The following ATP5MC2 variants were observed in gnomAD, a reference collection of about 807,000 sequenced individuals.
ATP5MC2 encodes ATP synthase membrane subunit c locus 2.
Under a neutral mutation model 13.5 loss-of-function variants are expected in ATP5MC2, and 11 were observed. The observed-to-expected ratio is 0.81, with a 90% CI of 0.51 to 1.35. The LOEUF is 1.35. ATP5MC2 is among the 40% of genes most tolerant of loss of function. The pLI is 0.00. For synonymous variants in ATP5MC2, 64 were observed against 69.7 expected, an observed-to-expected ratio of 0.92 and a Z score of 0.41; for missense variants, 132 against 175.0, an observed-to-expected ratio of 0.75 and a Z score of 1.39.
upstream of ATP5MC2, chr12:53,676,323 T>TGGACTGCGGTTTGGTCTGTACCGC (rs778685123): frequency 1.7e-3 from 2,418 of 1,392,896 alleles, 14 homozygotes; most frequent in East Asian, 0.017. Flanking sequence ...ATCCGTAACG[T>TGGACTGCGGTTTGGTCTGTACCGC]GGACTGCGGT....
At chr12:53,673,434 T>G (rs1254898812) in intron 1 of ATP5MC2, 1 of 152,416 alleles carries the variant, frequency 6.6e-6, no homozygotes, top group African/African-American at 2.4e-5. Context: ...ATCTCTTTGC[T>G]GATCCCTGGA....
Position 53,669,327 on chromosome 12 carries a change from C to T in ATP5MC2, c.132G>A (p.Leu44=). 3.1e-6 allele frequency: 5 copies of T among 1,613,402 alleles called. No individual in the cohort carries two copies. The highest frequency in any genetic ancestry group is 4.2e-6 in the Non-Finnish European group (5 of 1,179,676). Residue 44 remains leucine (L), a synonymous_variant, in exon 4 of 5, where the codon TTG becomes TTA. Coordinates refer to ENST00000394349, the MANE Select transcript of ATP5MC2 (RefSeq NM_005176.7). ...GTGAGGTAAGGGGACATGAGACTGC[C>T]AAGCTGCTGAGGCTCTGTGAAAAAG... is the stretch of plus-strand genomic sequence containing the variant. The part of the protein sequence containing the change: ...EILTDESLSS[L]AVSCPLTSLV...
At chr12:53,671,888 G>A (rs928853603) in intron 2 of ATP5MC2, among the ~76,000 whole-genome samples, 6 of 151,962 alleles carry the variant, frequency 3.9e-5, no homozygotes, top group African/African-American at 1.5e-4. Flanking sequence ...GAGGTCAGGA[G>A]TTTGAGACCA....
intron 2 of ATP5MC2, 89 bp downstream of exon 2, chr12:53,672,487 C>A (rs10876480): frequency 5.1e-6 from 7 of 1,385,170 alleles, no homozygotes; most frequent in Non-Finnish European, 7.0e-6. Flanking sequence ...CTCCTCTCCC[C>A]CAGCCTTGCT....
intron 1 of ATP5MC2, chr12:53,674,066 G>C (rs983584933): frequency 1.3e-5 from 2 of 152,208 alleles, no homozygotes; most frequent in African/African-American, 2.4e-5. Flanking sequence ...ATCTCTGGGG[G>C]AGCTAGGTTC....
Position 53,669,292 on chromosome 12 carries a change from C to G in ATP5MC2, c.167G>C (p.Ser56Thr). 6.2e-7 allele frequency: 1 copy of G among 1,614,118 alleles called. No individual in the cohort carries two copies. Among genetic ancestry groups the G allele is most frequent in the South Asian group, 1.1e-5 (1 of 91,074 alleles). ...AATGGCGCTGGTTTGGAAGCTGCGGCTAGAGACAAGTGAGGTAAGGGGACA... is the reference window on the plus strand; with the variant it reads ...AATGGCGCTGGTTTGGAAGCTGCGGGTAGAGACAAGTGAGGTAAGGGGACA... The part of the protein sequence containing the change: ...VSCPLTSLVS[S>T]RSFQTSAISR... The change falls in exon 4 of 5, where the codon AGC (serine) becomes ACC (threonine). Residue 56 changes from serine to threonine, a missense_variant. Ser to Thr is a moderately conservative substitution (Grantham distance 58). Transcript: ENST00000394349.
Position 53,665,278 on chromosome 12 carries a change from G to C in ATP5MC2, c.*36C>G, listed in dbSNP as rs537270125. On this transcript the variant is annotated 3_prime_UTR_variant, in exon 5 of 5. Transcript: ENST00000394349. Reference sequence around the variant, plus strand: ...GAAAAGGAACACACGGGGCCAACCAGACGCGGGAGAACTATGGGAGGTGGA... The same window carrying C: ...GAAAAGGAACACACGGGGCCAACCACACGCGGGAGAACTATGGGAGGTGGA... 1.3e-6 allele frequency: 2 copies of C among 1,560,270 alleles called. No individual in the cohort carries two copies. The highest frequency in any genetic ancestry group is 1.8e-5 in the Admixed American group (1 of 54,098).
rs371287380 is a variant in ATP5MC2, at chr12:53,669,857, C to T, written c.117+14G>A. 382 of 1,613,480 alleles carry T rather than the reference C, an allele frequency of 2.4e-4. No homozygotes were observed. Among genetic ancestry groups the T allele is most frequent in the Non-Finnish European group, 3.2e-4 (376 of 1,179,784 alleles). ...CACCCCCAAAACCACAGTCCCAACT[C>T]CACTGTAAGGTACCTCATCTGTCAG... On this transcript the variant is annotated intron_variant, in intron 3 of 4. Transcript: ENST00000394349.
chr12:53,679,238 CGAGAGAGAGAGAGA>C (rs59340879), upstream of ATP5MC2, among the ~76,000 whole-genome samples: 527 of 127,762 alleles, frequency 4.1e-3, 5 homozygotes, highest in African/African-American at 0.016. Context: ...ATTTTAAAAA[CGAGAGAGAGAGAGA>C]GAGAGAGAGA....
chr12:53,667,981 AT>A (rs1944978831), intron 4 of ATP5MC2, among the ~76,000 whole-genome samples: 2 of 53,494 alleles, frequency 3.7e-5, no homozygotes, highest in African/African-American at 2.2e-4. Flanking sequence ...ATATATATAT[AT>A]ATATATATAT....
chr12:53,672,717 C>CTTAACTGG, intron 1 of ATP5MC2, 72 bp from the exon 2 acceptor site: 1 of 1,398,654 alleles, frequency 7.1e-7, no homozygotes, highest in Non-Finnish European at 9.8e-7. Flanking sequence ...AGAAAAGGGG[C>CTTAACTGG]CCTAGAAAGC....
intron 4 of ATP5MC2, among the ~76,000 whole-genome samples, chr12:53,667,348 T>C (rs1944943731): frequency 6.6e-6 from 1 of 152,024 alleles, no homozygotes; most frequent in African/African-American, 2.4e-5. Flanking sequence ...TGGGAAAAAA[T>C]AGCAGTAAAG....
chr12:53,680,917 T>TG (rs1178098907), upstream of ATP5MC2, among the ~76,000 whole-genome samples: 5 of 152,078 alleles, frequency 3.3e-5, no homozygotes, highest in African/African-American at 1.2e-4. Flanking sequence ...TAATTATTTT[T>TG]GTGGGGGAGG....
intron 1 of ATP5MC2, 108 bp downstream of exon 1, chr12:53,675,945 G>C: frequency 1.4e-6 from 2 of 1,456,030 alleles, no homozygotes; most frequent in Non-Finnish European, 1.8e-6. Flanking sequence ...AAGGGCGAGA[G>C]GACCAGGGTG....
chr12:53,674,963 AG>A, intron 1 of ATP5MC2, among the ~76,000 whole-genome samples: 1 of 152,280 alleles, frequency 6.6e-6, no homozygotes. Flanking sequence ...TGCAGCTCTT[AG>A]GGGGATTAAG....
rs371277672 is a variant in ATP5MC2, at chr12:53,675,759, G to A, written c.-32+294C>T. 8.8e-4 allele frequency among the ~76,000 whole-genome samples: 134 copies of A among 152,338 alleles called. 4 individuals carry two copies. The South Asian group carries it at 0.027, about 31-fold the overall frequency. ...GAAAGGGCCAGAGGGCGAGAAAAGAGTGTTTGCAGGGACTGGGTGGAACAG... is the reference window on the plus strand; with the variant it reads ...GAAAGGGCCAGAGGGCGAGAAAAGAATGTTTGCAGGGACTGGGTGGAACAG... On this transcript the variant is annotated intron_variant, in intron 1 of 4. Coordinates refer to ENST00000394349, the MANE Select transcript of ATP5MC2 (RefSeq NM_005176.7).
intron 4 of ATP5MC2, among the ~76,000 whole-genome samples, chr12:53,667,966 T>TATATACACATACAC (rs1944974894): frequency 2.1e-5 from 1 of 46,516 alleles, no homozygotes; most frequent in Admixed American, 2.2e-4. Flanking sequence ...CATATATATA[T>TATATACACATACAC]ATATATATAT....
chr12:53,680,761 A>G (rs1252271399), upstream of ATP5MC2, among the ~76,000 whole-genome samples: 1 of 152,246 alleles, frequency 6.6e-6, no homozygotes, highest in African/African-American at 2.4e-5. Flanking sequence ...TTCAACACAT[A>G]TATTTTGAGC....
intron 2 of ATP5MC2, among the ~76,000 whole-genome samples, chr12:53,672,204 A>T (rs886307124): frequency 4.6e-5 from 7 of 151,582 alleles, no homozygotes; most frequent in Non-Finnish European, 1.0e-4. Flanking sequence ...CTCCCCAAGA[A>T]TCTTTCTTAC....
Sources: allele counts gnomAD v4.1 joint callset (sites outside exome capture counted in the v4.1 genomes callset), GRCh38; gene constraint gnomAD v4.1.1; transcripts MANE v1.5; gene names NCBI Gene and HGNC (gene_info 2026-07-23, HGNC 2026-07-21).